The following NBEA variants were observed in gnomAD, a reference collection of about 807,000 sequenced individuals.
NBEA encodes neurobeachin.
NBEA carries 44 observed loss-of-function variants against 343.4 expected under a neutral mutation model. That is an observed-to-expected ratio of 0.13 (90% confidence interval 0.10 to 0.16). The LOEUF (loss-of-function observed/expected upper bound fraction) is 0.16. NBEA is among the 10% of genes least tolerant of loss of function. The probability of loss-of-function intolerance (pLI) is 1.00; values close to 1 mark genes in which losing one functional copy is unlikely to be tolerated. For missense variants in NBEA, 2,555 were observed against 3,631.3 expected (o/e 0.70, Z 7.62); for synonymous variants, 1,175 against 1,238.7 (o/e 0.95, Z 1.08).
chr13:35,573,551 G>A (rs573944043), intron 45 of NBEA, among the ~76,000 whole-genome samples: 2 of 152,300 alleles, frequency 1.3e-5, no homozygotes, highest in East Asian at 3.9e-4. Context: ...GAGCTTTATA[G>A]ATTTATACAG....
At chr13:35,156,060 A>T in intron 19 of NBEA, 23 bp from the exon 20 acceptor site, 2 of 1,560,126 alleles carry the variant, frequency 1.3e-6, no homozygotes, top group Non-Finnish European at 8.6e-7. Context: ...ACAAATCTAC[A>T]AGTTTTTTTT....
intron 34 of NBEA, among the ~76,000 whole-genome samples, chr13:35,267,270 C>A (rs1162033528): frequency 1.3e-5 from 2 of 151,798 alleles, no homozygotes; most frequent in African/African-American, 2.4e-5. Context: ...GTAAAGTGTT[C>A]TTACCACAAA....
chr13:35,568,723 AC>A (rs1353166765), intron 45 of NBEA, among the ~76,000 whole-genome samples: 2 of 152,180 alleles, frequency 1.3e-5, no homozygotes. Context: ...TTATATACTT[AC>A]CAGTTGAGCA....
intron 28 of NBEA, among the ~76,000 whole-genome samples, chr13:35,180,504 A>G (rs1296677278): frequency 9.9e-5 from 15 of 151,538 alleles, no homozygotes; most frequent in Admixed American, 9.2e-4. Flanking sequence ...TGTTTTAACT[A>G]TCATTGCTTT....
chr13:35,119,283 C>T (rs972088887), intron 16 of NBEA, among the ~76,000 whole-genome samples: 14 of 151,986 alleles, frequency 9.2e-5, no homozygotes, highest in Admixed American at 5.2e-4. Flanking sequence ...AGCAGGATAT[C>T]GAGGTTATGC....
intron 47 of NBEA, among the ~76,000 whole-genome samples, chr13:35,599,385 A>T (rs2081953354): frequency 6.6e-6 from 1 of 152,232 alleles, no homozygotes; most frequent in Non-Finnish European, 1.5e-5. Context: ...CTCAAAAAGG[A>T]CAGCTAACCT....
intron 38 of NBEA, among the ~76,000 whole-genome samples, chr13:35,402,913 C>A (rs1196202193): frequency 6.6e-6 from 1 of 151,912 alleles, no homozygotes; most frequent in Non-Finnish European, 1.5e-5. Context: ...CAAATAATTC[C>A]CTCCTACAAA....
At chr13:35,637,539 C>T (rs562167053) in intron 49 of NBEA, among the ~76,000 whole-genome samples, 13 of 152,144 alleles carry the variant, frequency 8.5e-5, no homozygotes, top group African/African-American at 3.1e-4. Flanking sequence ...AGTCAAAAGT[C>T]GAGGCCAGGC....
intron 40 of NBEA, among the ~76,000 whole-genome samples, chr13:35,454,838 C>T (rs375078463): frequency 2.4e-4 from 37 of 151,076 alleles, no homozygotes; most frequent in African/African-American, 8.3e-4. Flanking sequence ...CCAGCCTGGG[C>T]GACAGAATGA....
At chr13:35,121,654 GTTTATTC>G (rs1446445508) in intron 16 of NBEA, among the ~76,000 whole-genome samples, 3 of 151,588 alleles carry the variant, frequency 2.0e-5, no homozygotes, top group East Asian at 1.9e-4. Context: ...TTTTCTCATA[GTTTATTC>G]TTTAATAGAT....
chr13:34,994,069 G>T (rs914088185), intron 1 of NBEA, among the ~76,000 whole-genome samples: 2 of 151,430 alleles, frequency 1.3e-5, no homozygotes, highest in African/African-American at 4.9e-5. Context: ...GTGATGGTGG[G>T]TGCCTGAAAT....
intron 38 of NBEA, among the ~76,000 whole-genome samples, chr13:35,421,519 A>G (rs2044269258): frequency 6.6e-6 from 1 of 152,100 alleles, no homozygotes; most frequent in Non-Finnish European, 1.5e-5. Context: ...ACTTAGAACC[A>G]CATCAGTGTT....
At chr13:35,650,572 G>A (rs1187055031) in intron 52 of NBEA, among the ~76,000 whole-genome samples, 1 of 152,128 alleles carries the variant, frequency 6.6e-6, no homozygotes. Context: ...CACAGTGGCA[G>A]GCACCTGTAA....
At chr13:35,326,589 T>A (rs1339925255) in intron 36 of NBEA, among the ~76,000 whole-genome samples, 2 of 152,016 alleles carry the variant, frequency 1.3e-5, no homozygotes, top group African/African-American at 4.8e-5. Flanking sequence ...AATGGTATGA[T>A]AGTTAGGCTT....
At chr13:35,256,737 G>A (rs142260190) in intron 34 of NBEA, among the ~76,000 whole-genome samples, 4,530 of 152,240 alleles carry the variant, frequency 0.03, 102 homozygotes, top group Non-Finnish European at 0.045. Context: ...GCATGTGCAC[G>A]CCCAGCTAGG....
chr13:35,214,694 C>CAA (rs2073965910), intron 33 of NBEA, among the ~76,000 whole-genome samples: 1 of 151,622 alleles, frequency 6.6e-6, no homozygotes, highest in Admixed American at 6.6e-5. Flanking sequence ...TCTAATTTGA[C>CAA]AGAGTTCATT....
intron 38 of NBEA, among the ~76,000 whole-genome samples, chr13:35,394,300 G>C (rs1010227603): frequency 2.0e-5 from 3 of 152,062 alleles, no homozygotes; most frequent in African/African-American, 7.2e-5. Context: ...AAACACAAGG[G>C]AAAGTGCATT....
intron 39 of NBEA, among the ~76,000 whole-genome samples, chr13:35,446,252 T>C (rs111894789): frequency 0.019 from 2,834 of 152,284 alleles, 116 homozygotes; most frequent in African/African-American, 0.064. Context: ...GTCTTTGCTA[T>C]TGTGTATAGT....
rs550993302 is a variant in NBEA at position 35,633,680 on chromosome 13, A to G, written c.7617+5432A>G. On this transcript the variant is annotated intron_variant, in intron 49 of 58. Transcript: ENST00000379939. The stretch of plus-strand genomic sequence containing the variant: ...CTAAAAAATTGATGACAGAGATGAT[A>G]CCTAATTCATGGGAGAAAAATATGT... Among the ~76,000 whole-genome samples, 311 of 152,162 alleles carry G rather than the reference A, an allele frequency of 2.0e-3. 1 individual carries two copies. Among genetic ancestry groups the G allele is most frequent in the African/African-American group, 7.1e-3 (296 of 41,548 alleles).
Sources: allele counts gnomAD v4.1 joint callset (sites outside exome capture counted in the v4.1 genomes callset), GRCh38; gene constraint gnomAD v4.1.1; transcripts MANE v1.5; gene names NCBI Gene and HGNC (gene_info 2026-07-23, HGNC 2026-07-21).